The following PCDHGA11 variants were observed in gnomAD, a reference collection of about 807,000 sequenced individuals.
PCDHGA11 encodes protocadherin gamma subfamily A, 11.
PCDHGA11 carries 39 observed loss-of-function variants against 60.4 expected under a neutral mutation model. The ratio of observed to expected loss-of-function variants is 0.65; its 90% CI spans 0.50 to 0.84. The LOEUF (loss-of-function observed/expected upper bound fraction) is 0.84. PCDHGA11 is among the 40% of genes least tolerant of loss of function. The pLI, the probability that PCDHGA11 is intolerant of heterozygous loss-of-function variation, is 0.00. For synonymous variants in PCDHGA11, 533 were observed against 510.3 expected (o/e 1.04, Z -0.60); for missense variants, 1,165 against 1,197.7 (o/e 0.97, Z 0.40).
chr5:141,478,385 T>C (rs919846683), intron 1 of PCDHGA11: 1 of 1,613,628 alleles, frequency 6.2e-7, no homozygotes, highest in Non-Finnish European at 8.5e-7. Context: ...GCCGCACCTT[T>C]ACCATCAGGT....
intron 1 of PCDHGA11, among the ~76,000 whole-genome samples, chr5:141,446,882 G>A (rs1419213225): frequency 1.3e-5 from 2 of 152,086 alleles, no homozygotes; most frequent in African/African-American, 4.8e-5. Flanking sequence ...TATGTTTTGG[G>A]GTTCATGGCT....
chr5:141,507,901 G>T (rs1332204823), intron 3 of PCDHGA11, among the ~76,000 whole-genome samples: 1 of 152,216 alleles, frequency 6.6e-6, no homozygotes, highest in Non-Finnish European at 1.5e-5. Flanking sequence ...CTGAAGTCCA[G>T]CCCAGCCAGG....
chr5:141,422,171 T>C lies in PCDHGA11; in HGVS notation c.944T>C (p.Phe315Ser), dbSNP rs1204753893. 4 of 1,564,922 alleles carry C rather than the reference T, an allele frequency of 2.6e-6. No individual in the cohort carries two copies. The highest frequency in any genetic ancestry group is 3.4e-6 in the Non-Finnish European group (4 of 1,160,656). The change falls in exon 1 of 4, where the codon TTC (phenylalanine) becomes TCC (serine). Residue 315 changes from phenylalanine to serine, a missense_variant. Coordinates refer to ENST00000398587, the MANE Select transcript of PCDHGA11 (RefSeq NM_018914.3). ...RGSLDFEKYR[F>S]YEMEIQGQDG... ...TCTCTGGATTTTGAAAAATATAGAT[T>C]CTATGAGATGGAAATTCAAGGCCAA...
At chr5:141,453,922 T>C (rs2098777315) in intron 1 of PCDHGA11, among the ~76,000 whole-genome samples, 1 of 152,230 alleles carries the variant, frequency 6.6e-6, no homozygotes, top group African/African-American at 2.4e-5. Context: ...CAGTGATCAG[T>C]CACTGTGTGC....
chr5:141,428,508 T>G, intron 1 of PCDHGA11: 1 of 279,550 alleles, frequency 3.6e-6, no homozygotes, highest in South Asian at 4.0e-5. Flanking sequence ...CCTCGGATTC[T>G]AGAAAAAGAA....
Position 141,436,047 on chromosome 5 carries a change from T to G in PCDHGA11, c.2433+12387T>G, listed in dbSNP as rs141900903. On this transcript the variant is annotated intron_variant, in intron 1 of 3. Transcript: ENST00000398587. ...ATACTAAATTTGTATTTACATTAGT[T>G]TTCAAATAGAATTTAATAAGTACAG... is the stretch of plus-strand genomic sequence containing the variant. Among the ~76,000 whole-genome samples the G allele has an allele frequency of 1.0e-2, 1,517 of 152,280 alleles. 31 individuals carry two copies. The highest frequency in any genetic ancestry group is 0.034 in the African/African-American group (1,420 of 41,552).
chr5:141,501,618 T>G (rs1307485559), intron 2 of PCDHGA11, among the ~76,000 whole-genome samples: 2 of 152,068 alleles, frequency 1.3e-5, no homozygotes, highest in African/African-American at 4.8e-5. Flanking sequence ...GTGACTCTGG[T>G]ATAGTCTCTC....
At chr5:141,479,476 G>A (rs1481785254) in intron 1 of PCDHGA11, 1 of 152,250 alleles carries the variant, frequency 6.6e-6, no homozygotes, top group African/African-American at 2.4e-5. Context: ...CCTCTTGGGA[G>A]GGCAGGACCA....
intron 1 of PCDHGA11, among the ~76,000 whole-genome samples, chr5:141,454,649 G>A (rs1202153817): frequency 6.6e-6 from 1 of 151,800 alleles, no homozygotes; most frequent in Non-Finnish European, 1.5e-5. Context: ...CAGGTGATCT[G>A]CCCACCTCGG....
chr5:141,427,046 C>A (rs916723344), intron 1 of PCDHGA11: 6 of 457,244 alleles, frequency 1.3e-5, no homozygotes, highest in African/African-American at 2.0e-5. Flanking sequence ...AGAATGTGCC[C>A]CCAGGCACCT....
chr5:141,478,633 TGATGAA>T, intron 1 of PCDHGA11: 4 of 1,553,032 alleles, frequency 2.6e-6, no homozygotes, highest in Non-Finnish European at 3.5e-6. Flanking sequence ...GTTTTTTTAG[TGATGAA>T]GATGTTTTCC....
chr5:141,433,106 G>C, intron 1 of PCDHGA11: 1 of 1,614,170 alleles, frequency 6.2e-7, no homozygotes, highest in Non-Finnish European at 8.5e-7. Flanking sequence ...CGTCAGCCAG[G>C]AGAGCTTTGA....
At chr5:141,423,758 G>GGGC (rs1554116874) in intron 1 of PCDHGA11, 98 bp downstream of exon 1, 82 of 366,752 alleles carry the variant, frequency 2.2e-4, no homozygotes, top group Middle Eastern at 4.2e-4. Context: ...TTTGGGGGGG[G>GGGC]GGTGGGGCGG....
At chr5:141,502,093 G>C (rs1037154464) in intron 2 of PCDHGA11, among the ~76,000 whole-genome samples, 27 of 152,112 alleles carry the variant, frequency 1.8e-4, no homozygotes, top group Admixed American at 1.7e-3. Flanking sequence ...AGAACACCTG[G>C]CCTTGACCCT....
intron 1 of PCDHGA11, among the ~76,000 whole-genome samples, chr5:141,482,811 C>T (rs1397161943): frequency 2.0e-5 from 3 of 152,164 alleles, no homozygotes; most frequent in Non-Finnish European, 4.4e-5. Context: ...GTGGCTCATG[C>T]CTGTAATCCT....
Position 141,489,111 on chromosome 5 carries a change from C to T in PCDHGA11, c.2434-5696C>T. The T allele has an allele frequency of 1.9e-6, 1 of 518,040 alleles. No individual in the cohort carries two copies. Among genetic ancestry groups the T allele is most frequent in the African/African-American group, 1.9e-5 (1 of 51,336 alleles). The allele number at this position is 518,040 out of a possible 1,614,324, so 32.1% of individuals were successfully genotyped here. ...GTGACTAAGAACTGCTGCAAGCAGG[C>T]AAACCTCCGAGCAGTTTTTAAGAGG... On this transcript the variant is annotated intron_variant, in intron 1 of 3. Transcript: ENST00000398587. This position sits in a 1 kb window ranked among gnomAD's most constrained non-coding sequence, Gnocchi z 4.5.
chr5:141,499,921 C>A, intron 2 of PCDHGA11, among the ~76,000 whole-genome samples: 1 of 152,128 alleles, frequency 6.6e-6, no homozygotes, highest in Middle Eastern at 3.2e-3. Context: ...CTCCTGGCCT[C>A]AAGTGATCCA....
At position 141,477,910 on chromosome 5, in the gene PCDHGA11, G is replaced by C. The variant is rs766164142; in HGVS notation, c.2434-16897G>C. ...TGTCACGGGTGGTAGGCTGGGACGC[G>C]GATGCAGGGCACAATGCCTGGCTCT... On this transcript the variant is annotated intron_variant, in intron 1 of 3. Coordinates refer to ENST00000398587, the MANE Select transcript of PCDHGA11 (RefSeq NM_018914.3). This position sits in a 1 kb window ranked among gnomAD's most constrained non-coding sequence, Gnocchi z 4.9. 3 of 1,614,168 alleles carry C rather than the reference G, an allele frequency of 1.9e-6. No homozygotes were observed. Among genetic ancestry groups the C allele is most frequent in the Non-Finnish European group, 2.5e-6 (3 of 1,180,032 alleles).
At chr5:141,488,564 G>T (rs1047904416) in intron 1 of PCDHGA11, among the ~76,000 whole-genome samples, 1 of 152,154 alleles carries the variant, frequency 6.6e-6, no homozygotes, top group African/African-American at 2.4e-5. Context: ...TGAGATTTCC[G>T]CAAAGCATTG....
Sources: gnomAD v4.1 joint callset for allele counts (sites outside exome capture counted in the v4.1 genomes callset) on GRCh38, gnomAD v4.1.1 for gene constraint, Gnocchi (gnomAD v3.1) non-coding constraint, MANE v1.5 for transcripts, NCBI Gene and HGNC (gene_info 2026-07-23, HGNC 2026-07-21) for gene names.